ZNF532: variants seen among roughly 807,000 people sequenced by gnomAD.
The protein encoded by ZNF532 is zinc finger protein 532.
In ZNF532, 22 loss-of-function variants were observed where a neutral mutation model predicts 89.3. The ratio of observed to expected loss-of-function variants is 0.25; its 90% CI spans 0.18 to 0.35. The LOEUF (loss-of-function observed/expected upper bound fraction) is 0.35, where lower values mean the gene tolerates loss of function less well. ZNF532 is among the 10% of genes least tolerant of loss of function. The pLI, the probability that ZNF532 is intolerant of heterozygous loss-of-function variation, is 1.00. For missense variants in ZNF532, 1,132 were observed against 1,643.4 expected, an observed-to-expected ratio of 0.69 and a Z score of 5.38; for synonymous variants, 606 against 649.6, an observed-to-expected ratio of 0.93 and a Z score of 1.02.
chr18:58,984,916 A>G lies in ZNF532; in HGVS notation c.*450A>G. The G allele has an allele frequency of 6.2e-6, 1 of 161,460 alleles. No homozygotes were observed. The highest frequency in any genetic ancestry group is 1.8e-4 in the East Asian group (1 of 5,660). 10.0% of individuals were successfully genotyped at this position (161,460 alleles called of 1,614,324 possible). A position where few individuals can be genotyped will look rare whatever the true frequency, so the allele number is the denominator to read the frequency against. On this transcript the variant is annotated 3_prime_UTR_variant, in exon 10 of 10. Coordinates refer to ENST00000591808, the MANE Select transcript of ZNF532 (RefSeq NM_001375912.1). Reference sequence around the variant, plus strand: ...GTTTTTAATTTTTAGAATTCACTACATAAATTGTAAGTAATTGTGGGTCTC... The same window carrying G: ...GTTTTTAATTTTTAGAATTCACTACGTAAATTGTAAGTAATTGTGGGTCTC...
intron 5 of ZNF532, 31 bp downstream of exon 5, chr18:58,939,652 C>T (rs1568373341): frequency 1.3e-6 from 2 of 1,591,094 alleles, no homozygotes; most frequent in East Asian, 2.2e-5. Flanking sequence ...AGTTTTACTC[C>T]ACTGCTTTAT....
rs2068218612 is a variant in ZNF532 at position 58,984,550 on chromosome 18, T to C, written c.*84T>C. 1 of 1,481,160 alleles carries C rather than the reference T, an allele frequency of 6.8e-7. No homozygotes were observed. Among genetic ancestry groups the C allele is most frequent in the South Asian group, 1.4e-5 (1 of 71,766 alleles). The allele number at this position is 1,481,160 out of a possible 1,614,324, so 91.8% of individuals were successfully genotyped here. On this transcript the variant is annotated 3_prime_UTR_variant, in exon 10 of 10. Transcript: ENST00000591808. ...TTACAAAGTTTGCAGTATAATAGAG[T>C]TAACAGTACTGTCTAGGCTGTTGCA...
chr18:58,942,454 G>GAAACAAATTTGTAGAAGAAGTGGTTAACA (rs2063275912), intron 5 of ZNF532, among the ~76,000 whole-genome samples: 1 of 149,990 alleles, frequency 6.7e-6, no homozygotes, highest in Non-Finnish European at 1.5e-5. Flanking sequence ...TTATAAAAAT[G>GAAACAAATTTGTAGAAGAAGTGGTTAACA]AAACAAATTT....
At chr18:58,955,233 G>T (rs1297722176) in intron 7 of ZNF532, among the ~76,000 whole-genome samples, 1 of 152,122 alleles carries the variant, frequency 6.6e-6, no homozygotes, top group African/African-American at 2.4e-5. Flanking sequence ...CTCTACCCTG[G>T]GCGATAGAGC....
chr18:58,956,419 G>T (rs915886204), intron 7 of ZNF532, among the ~76,000 whole-genome samples: 1 of 152,204 alleles, frequency 6.6e-6, no homozygotes, highest in Non-Finnish European at 1.5e-5. Context: ...GAGGGGAGGA[G>T]CATCTTCATA....
chr18:58,959,299 G>T (rs1170848193), intron 7 of ZNF532, among the ~76,000 whole-genome samples: 3 of 141,130 alleles, frequency 2.1e-5, no homozygotes, highest in Non-Finnish European at 3.0e-5. Flanking sequence ...TTTTGACAAG[G>T]TCTCACTCTG....
In ZNF532 at chr18:58,959,521, G is replaced by A. The variant is rs142211128; in HGVS notation, c.3150+5722G>A. On this transcript the variant is annotated intron_variant, in intron 7 of 9. Coordinates refer to ENST00000591808, the MANE Select transcript of ZNF532 (RefSeq NM_001375912.1). ...TCTACCTCGGCCTCCCAAAGTGCTG[G>A]GATTATAGGCATGAGCCAGTGCACT... 2.7e-3 allele frequency among the ~76,000 whole-genome samples: 406 copies of A among 152,094 alleles called. 4 individuals carry two copies. Among genetic ancestry groups the A allele is most frequent in the Non-Finnish European group, 4.2e-3 (288 of 67,992 alleles).
At chr18:58,884,929 T>C (rs899867479) in intron 2 of ZNF532, among the ~76,000 whole-genome samples, 3 of 152,108 alleles carry the variant, frequency 2.0e-5, no homozygotes, top group African/African-American at 7.2e-5. Context: ...CTAGACCGTT[T>C]CAGTATTTCT....
At chr18:58,959,253 G>GTTTTTTTTTT (rs201150500) in intron 7 of ZNF532, among the ~76,000 whole-genome samples, 16 of 121,652 alleles carry the variant, frequency 1.3e-4, no homozygotes, top group East Asian at 3.1e-4. Flanking sequence ...TCAGTTTTTT[G>GTTTTTTTTTT]TTTTTTGTTT....
At chr18:58,956,342 T>C (rs924689202) in intron 7 of ZNF532, among the ~76,000 whole-genome samples, 1 of 152,236 alleles carries the variant, frequency 6.6e-6, no homozygotes, top group Non-Finnish European at 1.5e-5. Flanking sequence ...GCACATCGTA[T>C]TAGATTGTAG....
intron 3 of ZNF532, among the ~76,000 whole-genome samples, chr18:58,922,117 A>C (rs1568332532): frequency 6.6e-6 from 1 of 152,196 alleles, no homozygotes; most frequent in African/African-American, 2.4e-5. Context: ...CCAAAAAAAA[A>C]AAGGAAAAAA....
intron 7 of ZNF532, among the ~76,000 whole-genome samples, chr18:58,967,515 A>C (rs2066037515): frequency 6.6e-6 from 1 of 152,132 alleles, no homozygotes; most frequent in Non-Finnish European, 1.5e-5. Context: ...AGTTATCACC[A>C]GTAGGTCTCT....
intron 8 of ZNF532, chr18:58,979,392 G>GT (rs375044206): frequency 0.017 from 4,306 of 252,784 alleles, no homozygotes; most frequent in East Asian, 0.025. Flanking sequence ...TACATTGTGT[G>GT]TTTTTTTTTT....
At chr18:58,917,344 G>A (rs2060672655) in intron 2 of ZNF532, among the ~76,000 whole-genome samples, 1 of 152,168 alleles carries the variant, frequency 6.6e-6, no homozygotes, top group Non-Finnish European at 1.5e-5. Context: ...CCTGTCCTCA[G>A]GCAGCTTACA....
chr18:58,942,337 CCCTCCCTCCCTCCCTT>C (rs2063221579), intron 5 of ZNF532, among the ~76,000 whole-genome samples: 2 of 63,386 alleles, frequency 3.2e-5, no homozygotes, highest in Non-Finnish European at 5.9e-5. Context: ...CTCCCTCCCT[CCCTCCCTCCCTCCCTT>C]CCTTCCTTCC....
chr18:58,939,690 G>C, intron 5 of ZNF532, 69 bp downstream of exon 5: 3 of 1,439,492 alleles, frequency 2.1e-6, no homozygotes, highest in Non-Finnish European at 2.8e-6. Flanking sequence ...GGTAGTAGTC[G>C]TTCTATTGAA....
chr18:58,983,335 C>G (rs181367334), intron 9 of ZNF532, among the ~76,000 whole-genome samples: 94 of 152,162 alleles, frequency 6.2e-4, no homozygotes, highest in African/African-American at 2.1e-3. Context: ...TCCAGAGGCT[C>G]TCAGTCTAAA....
In ZNF532 at chr18:58,919,490, C is replaced by T. The variant is rs142104536; in HGVS notation, c.1203C>T (p.Ala401=). The T allele has an allele frequency of 1.1e-5, 18 of 1,614,092 alleles. No individual in the cohort carries two copies. Among genetic ancestry groups the T allele is most frequent in the Middle Eastern group, 1.6e-4 (1 of 6,084 alleles). The part of the protein sequence containing the change: ...KPSEQTASVM[A]SVTSLLSSPA... Reference sequence around the variant, plus strand: ...CCGAGCAGACAGCGTCCGTGATGGCCTCTGTGACATCCCTTCTGTCGTCTC... The same window carrying T: ...CCGAGCAGACAGCGTCCGTGATGGCTTCTGTGACATCCCTTCTGTCGTCTC... Residue 401 remains alanine, a synonymous_variant, in exon 3 of 10, where the codon GCC becomes GCT. Transcript: ENST00000591808. The surrounding 1 kb of genome is among the most constrained non-coding windows in gnomAD (Gnocchi z 6.1).
At chr18:58,965,338 C>T (rs17065339) in intron 7 of ZNF532, among the ~76,000 whole-genome samples, 11,593 of 152,150 alleles carry the variant, frequency 0.076, 958 homozygotes, top group African/African-American at 0.21. Flanking sequence ...GAGACAGTTA[C>T]GAATCCCACT....
Sources: allele counts gnomAD v4.1 joint callset (sites outside exome capture counted in the v4.1 genomes callset), GRCh38; gene constraint gnomAD v4.1.1; non-coding constraint Gnocchi (gnomAD v3.1); transcripts MANE v1.5; gene names NCBI Gene and HGNC (gene_info 2026-07-23, HGNC 2026-07-21).